The following CNTN4 variants were observed in gnomAD, a reference collection of about 807,000 sequenced individuals.
CNTN4 encodes the protein contactin 4, also known as contactin-4.
CNTN4 carries 77 observed loss-of-function variants against 122.5 expected under a neutral mutation model. The ratio of observed to expected loss-of-function variants is 0.63; its 90% CI spans 0.52 to 0.76. The LOEUF is 0.76. Among genes scored for constraint, CNTN4 ranks in the 30% least tolerant of loss-of-function variants. The probability of loss-of-function intolerance (pLI) is 0.00; values close to 1 mark genes in which losing one functional copy is unlikely to be tolerated. For missense variants in CNTN4, 1,256 were observed against 1,259.1 expected, an observed-to-expected ratio of 1.00 and a Z score of 0.04; for synonymous variants, 512 against 447.0, an observed-to-expected ratio of 1.15 and a Z score of -1.83.
intron 4 of CNTN4, among the ~76,000 whole-genome samples, chr3:2,734,001 T>G (rs2088892157): frequency 6.6e-6 from 1 of 152,152 alleles, no homozygotes; most frequent in African/African-American, 2.4e-5. Flanking sequence ...ATTAAATGTG[T>G]AGGTACATGT....
chr3:2,619,518 A>G lies in CNTN4; in HGVS notation c.55+47960A>G, dbSNP rs569749841. Among the ~76,000 whole-genome samples, 6 of 152,308 alleles carry G rather than the reference A, an allele frequency of 3.9e-5. No homozygotes were observed. The South Asian group carries it at 1.0e-3, about 26-fold the overall frequency. ...ATTTTGTGTTTCTGTTATCTCTTAGAGTCTTTCAAAATTGTTGATCAGAGA... is the reference window on the plus strand; with the variant it reads ...ATTTTGTGTTTCTGTTATCTCTTAGGGTCTTTCAAAATTGTTGATCAGAGA... On this transcript the variant is annotated intron_variant, in intron 4 of 24. Coordinates refer to ENST00000418658, the MANE Select transcript of CNTN4 (RefSeq NM_175607.3).
chr3:2,834,544 G>A (rs1350854270), intron 7 of CNTN4, among the ~76,000 whole-genome samples: 4 of 152,114 alleles, frequency 2.6e-5, no homozygotes, highest in Non-Finnish European at 5.9e-5. Flanking sequence ...TCCAGCCTGG[G>A]CAACACTGCG....
At chr3:2,599,248 A>C (rs937020042) in intron 4 of CNTN4, among the ~76,000 whole-genome samples, 1 of 152,200 alleles carries the variant, frequency 6.6e-6, no homozygotes, top group Non-Finnish European at 1.5e-5. Context: ...ATTCTATCAC[A>C]GTTTTAAGGA....
intron 2 of CNTN4, among the ~76,000 whole-genome samples, chr3:2,264,240 A>G (rs963969025): frequency 1.3e-5 from 2 of 152,134 alleles, no homozygotes; most frequent in African/African-American, 2.4e-5. Flanking sequence ...CAAACAGTGT[A>G]TAAGCTTTCC....
intron 2 of CNTN4, among the ~76,000 whole-genome samples, chr3:2,287,697 GA>G (rs1252122383): frequency 0.33 from 25,174 of 75,790 alleles, 4,044 homozygotes; most frequent in East Asian, 0.38. Context: ...AGAAGAGGAA[GA>G]AGAAGAAGAA....
chr3:2,818,856 G>A (rs184511575), intron 6 of CNTN4, among the ~76,000 whole-genome samples: 53 of 152,214 alleles, frequency 3.5e-4, no homozygotes, highest in African/African-American at 1.1e-3. Context: ...TAAAACAATT[G>A]TGTGTCTGTA....
intron 14 of CNTN4, among the ~76,000 whole-genome samples, chr3:3,000,118 G>A (rs1342213570): frequency 1.3e-5 from 2 of 152,074 alleles, no homozygotes; most frequent in Admixed American, 1.3e-4. Flanking sequence ...AAATTTTAGT[G>A]TCAGGTTGTG....
intron 2 of CNTN4, among the ~76,000 whole-genome samples, chr3:2,302,192 AG>A (rs1286451565): frequency 6.6e-6 from 1 of 152,172 alleles, no homozygotes; most frequent in Non-Finnish European, 1.5e-5. Context: ...GCACTAAGGG[AG>A]GCTGAGGCGG....
chr3:2,313,221 C>G (rs544180503), intron 2 of CNTN4, among the ~76,000 whole-genome samples: 2 of 151,740 alleles, frequency 1.3e-5, no homozygotes, highest in South Asian at 2.1e-4. Flanking sequence ...ACTGTTTAAA[C>G]GTCTTGTACA....
chr3:2,173,593 G>A (rs550474667), intron 2 of CNTN4, among the ~76,000 whole-genome samples: 1 of 152,276 alleles, frequency 6.6e-6, no homozygotes, highest in Admixed American at 6.5e-5. Context: ...TTGGATCAGT[G>A]TGAAGTAAAG....
intron 2 of CNTN4, among the ~76,000 whole-genome samples, chr3:2,327,216 G>T (rs902518113): frequency 6.6e-6 from 1 of 152,028 alleles, no homozygotes; most frequent in African/African-American, 2.4e-5. Context: ...GTATTTCCCA[G>T]TGAGTAGGAA....
At chr3:2,181,672 G>A (rs1049596958) in intron 2 of CNTN4, among the ~76,000 whole-genome samples, 1 of 152,026 alleles carries the variant, frequency 6.6e-6, no homozygotes, top group African/African-American at 2.4e-5. Context: ...AGCCAAAGTT[G>A]CTTTTCATCA....
intron 4 of CNTN4, among the ~76,000 whole-genome samples, chr3:2,661,344 A>G (rs59862732): frequency 0.026 from 3,996 of 152,198 alleles, 163 homozygotes; most frequent in African/African-American, 0.091. Flanking sequence ...TGACCCTGTG[A>G]TTTATGTATC....
chr3:2,838,867 C>G (rs1397642912), intron 7 of CNTN4, among the ~76,000 whole-genome samples: 1 of 152,202 alleles, frequency 6.6e-6, no homozygotes, highest in Non-Finnish European at 1.5e-5. Context: ...CTCCCCAACA[C>G]CGACCGCTTT....
At chr3:2,714,343 G>A (rs2087347064) in intron 4 of CNTN4, among the ~76,000 whole-genome samples, 1 of 152,176 alleles carries the variant, frequency 6.6e-6, no homozygotes, top group East Asian at 1.9e-4. Context: ...ATTCCAAACA[G>A]TTCTTCATAC....
intron 15 of CNTN4, among the ~76,000 whole-genome samples, chr3:3,028,930 A>G (rs1235341683): frequency 6.6e-6 from 1 of 152,144 alleles, no homozygotes; most frequent in Non-Finnish European, 1.5e-5. Flanking sequence ...TATATGGAAG[A>G]CTGACTTGTC....
At chr3:2,987,282 A>T (rs758077506) in intron 13 of CNTN4, among the ~76,000 whole-genome samples, 21 of 152,256 alleles carry the variant, frequency 1.4e-4, no homozygotes, top group Non-Finnish European at 2.8e-4. Context: ...TAGGCTTCAT[A>T]ATAAGGCTCC....
intron 3 of CNTN4, among the ~76,000 whole-genome samples, chr3:2,543,455 C>T (rs1179743078): frequency 6.6e-6 from 1 of 152,034 alleles, no homozygotes; most frequent in East Asian, 1.9e-4. Flanking sequence ...AGCTCTGGGT[C>T]ACCTGGGATT....
chr3:2,608,083 T>A (rs2149800228), intron 4 of CNTN4, among the ~76,000 whole-genome samples: 1 of 152,308 alleles, frequency 6.6e-6, no homozygotes, highest in East Asian at 1.9e-4. Context: ...AGGAATTTAT[T>A]GTAAGATCTA....
Sources: allele counts gnomAD v4.1 joint callset (sites outside exome capture counted in the v4.1 genomes callset), GRCh38; gene constraint gnomAD v4.1.1; transcripts MANE v1.5; gene names NCBI Gene and HGNC (gene_info 2026-07-23, HGNC 2026-07-21).